Variants in NUP210 observed in about 807,000 individuals in gnomAD.
The protein encoded by NUP210 is nucleoporin 210, also known as nuclear pore membrane glycoprotein 210.
In NUP210, 151 loss-of-function variants were observed where a neutral mutation model predicts 196.0. That is an observed-to-expected ratio of 0.77 (90% CI 0.67 to 0.88). NUP210 has a LOEUF of 0.88. Ranked by LOEUF, NUP210 falls within the 40% of genes least tolerant of loss-of-function variation. NUP210 has a pLI of 0.00. For missense variants in NUP210, 2,314 were observed against 2,493.7 expected, an observed-to-expected ratio of 0.93 and a Z score of 1.53; for synonymous variants, 1,070 against 1,052.7, an observed-to-expected ratio of 1.02 and a Z score of -0.32.
intron 20 of NUP210, 62 bp from the exon 21 acceptor site, chr3:13,343,365 T>A: frequency 6.4e-7 from 1 of 1,573,864 alleles, no homozygotes; most frequent in Non-Finnish European, 8.6e-7. Context: ...AGGGCCCCCC[T>A]CTGCTCAGGT....
chr3:13,370,479 G>C (rs1045314949), intron 13 of NUP210, among the ~76,000 whole-genome samples: 24 of 152,158 alleles, frequency 1.6e-4, no homozygotes, highest in Non-Finnish European at 1.5e-5. Context: ...CCAGGCCTGT[G>C]GAACTCCAAG....
chr3:13,325,838 G>C lies in NUP210; in HGVS notation c.4601C>G (p.Thr1534Arg), dbSNP rs376078752. 2.4e-5 allele frequency: 38 copies of C among 1,613,936 alleles called. No homozygotes were observed. Among genetic ancestry groups the C allele is most frequent in the Non-Finnish European group, 3.2e-5 (38 of 1,180,024 alleles). Residue 1534 changes from threonine to arginine, a missense_variant, in exon 33 of 40, where the codon ACG (threonine) becomes AGG (arginine). Thr to Arg is a moderately conservative substitution (Grantham distance 71). Coordinates refer to ENST00000254508, the MANE Select transcript of NUP210 (RefSeq NM_024923.4). ...GTGCCCAGCGACCTCATAGTAAACC[G>C]TCACGGATCCCACGGCCCGGGCCAC... ...VAVARAVGSV[T>R]VYYEVAGHLR... is the part of the protein sequence containing the mutation.
chr3:13,337,015 C>G, intron 26 of NUP210, 97 bp from the exon 27 acceptor site: 1 of 1,430,256 alleles, frequency 7.0e-7, no homozygotes, highest in Non-Finnish European at 9.7e-7. Flanking sequence ...GGAGATGAAC[C>G]CAATTCCTCC....
intron 29 of NUP210, among the ~76,000 whole-genome samples, chr3:13,331,493 C>T (rs147133691): frequency 3.3e-5 from 5 of 152,286 alleles, no homozygotes; most frequent in African/African-American, 9.6e-5. Flanking sequence ...CCGAGCATCT[C>T]CATCTGGGAC....
chr3:13,334,817 C>T (rs77053293), intron 28 of NUP210, among the ~76,000 whole-genome samples: 2 of 152,188 alleles, frequency 1.3e-5, no homozygotes, highest in Non-Finnish European at 1.5e-5. Flanking sequence ...GGGCTGCACC[C>T]CAGGCAGGAG....
At chr3:13,364,109 T>A (rs1011404960) in intron 14 of NUP210, among the ~76,000 whole-genome samples, 4 of 152,118 alleles carry the variant, frequency 2.6e-5, no homozygotes, top group Admixed American at 1.3e-4. Context: ...TCCACCCCCA[T>A]CACCCCTTCA....
At chr3:13,322,869 A>C (rs1576340532) in intron 34 of NUP210, among the ~76,000 whole-genome samples, 1 of 152,336 alleles carries the variant, frequency 6.6e-6, no homozygotes, top group East Asian at 1.9e-4. Flanking sequence ...CTGTTGACTT[A>C]CTTATTTCTG....
rs1697805462 is a variant in NUP210 at position 13,347,751 on chromosome 3, A to G, written c.2835+4128T>C. ...GCAGCTGGAAAAAGCCACAGCCACG[A>G]GTAGACATCCCTCGGAAACAGTCGC... On this transcript the variant is annotated intron_variant, in intron 20 of 39. Transcript: ENST00000254508. This position sits in a 1 kb window ranked among gnomAD's most constrained non-coding sequence, Gnocchi z 4.7. 6.6e-6 allele frequency among the ~76,000 whole-genome samples: 1 copy of G among 152,230 alleles called. No individual in the cohort carries two copies. Among genetic ancestry groups the G allele is most frequent in the Admixed American group, 6.5e-5 (1 of 15,288 alleles).
intron 1 of NUP210, among the ~76,000 whole-genome samples, chr3:13,410,155 C>G (rs892135703): frequency 6.6e-6 from 1 of 151,462 alleles, no homozygotes; most frequent in Non-Finnish European, 1.5e-5. Context: ...AGCCACTGTG[C>G]CCAGCTATTA....
chr3:13,334,119 CA>C (rs1245094222), intron 28 of NUP210, among the ~76,000 whole-genome samples: 1 of 152,182 alleles, frequency 6.6e-6, no homozygotes, highest in Non-Finnish European at 1.5e-5. Context: ...CAAGCTGTCT[CA>C]AAGGCCTGAG....
rs1697526244 is a variant in NUP210 at position 13,342,035 on chromosome 3, T to C, written c.3053A>G (p.Asp1018Gly). 7 of 1,614,152 alleles carry C rather than the reference T, an allele frequency of 4.3e-6. No homozygotes were observed. Among genetic ancestry groups the C allele is most frequent in the Non-Finnish European group, 5.9e-6 (7 of 1,180,022 alleles). ...CGGGGAGGCTGCTCGGAGCTTCAGG[T>C]CCATAAAGGGGAAGTATTTGGCAAG... ...PFLAKYFPFMDLKLRAASPII... is the reference protein window; with the variant it reads ...PFLAKYFPFMGLKLRAASPII... Residue 1018 changes from aspartate to glycine, a missense_variant, in exon 22 of 40, where the codon GAC becomes GGC. Transcript: ENST00000254508.
intron 28 of NUP210, 109 bp downstream of exon 28, chr3:13,335,345 C>CTTCTCAGG: frequency 1.6e-6 from 2 of 1,277,554 alleles, no homozygotes; most frequent in Non-Finnish European, 2.2e-6. Context: ...GGACTGAGAG[C>CTTCTCAGG]TTCTCAGGTC....
chr3:13,368,918 G>A (rs972900950), intron 13 of NUP210, among the ~76,000 whole-genome samples: 3 of 152,146 alleles, frequency 2.0e-5, no homozygotes, highest in East Asian at 1.9e-4. Flanking sequence ...CTTTCGGATC[G>A]TACTTTCAAC....
intron 1 of NUP210, among the ~76,000 whole-genome samples, chr3:13,400,438 T>C (rs569146152): frequency 4.6e-5 from 7 of 151,932 alleles, no homozygotes; most frequent in Admixed American, 3.3e-4. Flanking sequence ...GATAAACACA[T>C]CCACAAATGA....
chr3:13,374,248 G>A (rs1391547327), intron 11 of NUP210, among the ~76,000 whole-genome samples: 1 of 151,958 alleles, frequency 6.6e-6, no homozygotes, highest in East Asian at 1.9e-4. Context: ...TCACACTCAC[G>A]CTTTCACCCA....
chr3:13,397,330 A>G (rs13066607), intron 3 of NUP210, 27 bp downstream of exon 3: 885,769 of 1,602,112 alleles, frequency 0.55, 250,464 homozygotes, highest in African/African-American at 0.8. Flanking sequence ...GGGCTGCAGA[A>G]GACAAACAGG....
intron 12 of NUP210, 62 bp downstream of exon 12, chr3:13,373,655 GA>G (rs1698803168): frequency 6.4e-7 from 1 of 1,566,908 alleles, no homozygotes. Flanking sequence ...GGCTTGCTCA[GA>G]GGGGGCGGCT....
At chr3:13,381,128 T>C (rs1475994053) in intron 6 of NUP210, among the ~76,000 whole-genome samples, 1 of 152,250 alleles carries the variant, frequency 6.6e-6, no homozygotes, top group East Asian at 1.9e-4. Context: ...ATTATGTGTC[T>C]AGTGTTCAGA....
chr3:13,340,177 T>G lies in NUP210; in HGVS notation c.3291+59A>C. 6.2e-7 allele frequency: 1 copy of G among 1,608,516 alleles called. No individual in the cohort carries two copies. The highest frequency in any genetic ancestry group is 8.5e-7 in the Non-Finnish European group (1 of 1,176,048). ...CACGCAGGGCCAGAGGCGGCGTGCCTGGAACCAGGTGGTGGCCTGCACTGG... is the reference window on the plus strand; with the variant it reads ...CACGCAGGGCCAGAGGCGGCGTGCCGGGAACCAGGTGGTGGCCTGCACTGG... On this transcript the variant is annotated intron_variant, in intron 24 of 39. Transcript: ENST00000254508. The surrounding 1 kb of genome is among the most constrained non-coding windows in gnomAD (Gnocchi z 4.0).
Sources: allele counts gnomAD v4.1 joint callset (sites outside exome capture counted in the v4.1 genomes callset), GRCh38; gene constraint gnomAD v4.1.1; non-coding constraint Gnocchi (gnomAD v3.1); transcripts MANE v1.5; gene names NCBI Gene and HGNC (gene_info 2026-07-23, HGNC 2026-07-21).